Variants in CASK observed in about 807,000 individuals in gnomAD.
CASK encodes calcium/calmodulin dependent serine protein kinase, also known as peripheral plasma membrane protein CASK.
In CASK, 4 loss-of-function variants were observed where a neutral mutation model predicts 82.9. That is an observed-to-expected ratio of 0.05 (90% CI 0.02 to 0.11). CASK has a LOEUF of 0.11. CASK is among the 10% of genes least tolerant of loss of function. The pLI is 1.00. For missense variants in CASK, 358 were observed against 720.9 expected (o/e 0.50, Z 5.76); for synonymous variants, 259 against 253.5 (o/e 1.02, Z -0.20).
chrX:41,643,648 G>T (rs1427964106), intron 8 of CASK, among the ~76,000 whole-genome samples: 2 of 111,912 alleles, frequency 1.8e-5, no homozygotes, highest in African/African-American at 3.2e-5. Flanking sequence ...TGCTGAAGTT[G>T]CTTATCAGCT....
chrX:41,558,690 A>C (rs780485045), intron 18 of CASK: 1 of 111,492 alleles, frequency 9.0e-6, no homozygotes, highest in Non-Finnish European at 1.9e-5. Context: ...AGTTCCATAA[A>C]AAGCCACCAA....
Position 41,909,768 on chromosome X carries a change from C to T in CASK, c.59+13162G>A, listed in dbSNP as rs986632284. Among the ~76,000 whole-genome samples the T allele has an allele frequency of 1.6e-4, 18 of 111,560 alleles. No homozygotes were observed. The East Asian group carries it at 3.7e-3, about 23-fold the overall frequency. The stretch of plus-strand genomic sequence containing the variant: ...TACAGGCACACGCCACCATGGCCGG[C>T]TAATTTTATGACATTTTTAGTAGAG... On this transcript the variant is annotated intron_variant, in intron 1 of 26. Coordinates refer to ENST00000378163, the MANE Select transcript of CASK (RefSeq NM_001367721.1).
chrX:41,876,188 T>C (rs1414317815), intron 1 of CASK, among the ~76,000 whole-genome samples: 3 of 111,507 alleles, frequency 2.7e-5, no homozygotes, highest in Non-Finnish European at 3.8e-5. Context: ...ATTACAGCTA[T>C]TGAGTACTTA....
chrX:41,842,045 AT>A (rs1440542528), intron 2 of CASK, among the ~76,000 whole-genome samples: 1 of 111,670 alleles, frequency 9.0e-6, no homozygotes, highest in Non-Finnish European at 1.9e-5. Context: ...TAATTTTTGT[AT>A]ATGGTGTAGG....
At chrX:41,919,274 A>C (rs964994882) in intron 1 of CASK, 9 of 111,819 alleles carry the variant, frequency 8.0e-5, no homozygotes, top group Non-Finnish European at 9.4e-5. Context: ...CATGCCTCAC[A>C]AAGTTGCACG....
At chrX:41,831,904 C>T (rs1044707846) in intron 2 of CASK, among the ~76,000 whole-genome samples, 4 of 110,943 alleles carry the variant, frequency 3.6e-5, no homozygotes, top group East Asian at 5.6e-4. Context: ...TAGGTTGCAG[C>T]GAGCTGAGAT....
At chrX:41,748,323 T>A (rs2068728963) in intron 3 of CASK, 1 of 137,910 alleles carries the variant, frequency 7.3e-6, no homozygotes. Context: ...GTCCAGTTTC[T>A]AACTGTGATG....
intron 5 of CASK, chrX:41,683,514 G>A (rs1221654348): frequency 7.1e-5 from 8 of 112,043 alleles, no homozygotes; most frequent in Admixed American, 1.9e-4. Context: ...TTATCAAACC[G>A]GCTGGGAGTG....
intron 3 of CASK, among the ~76,000 whole-genome samples, chrX:41,773,962 T>TA (rs2069299690): frequency 9.0e-6 from 1 of 111,727 alleles, no homozygotes; most frequent in Non-Finnish European, 1.9e-5. Context: ...TAAATTTATA[T>TA]AAAAGTATTT....
intron 7 of CASK, among the ~76,000 whole-genome samples, chrX:41,663,978 G>A (rs2067075785): frequency 2.7e-5 from 3 of 111,836 alleles, no homozygotes; most frequent in African/African-American, 6.5e-5. Context: ...TCCCTGGATT[G>A]AAGAGGGATG....
intron 5 of CASK, chrX:41,730,218 G>A (rs1296387826): frequency 8.2e-6 from 1 of 122,173 alleles, no homozygotes; most frequent in Non-Finnish European, 1.9e-5. Context: ...TTTAAAGTAA[G>A]TTCACGTAAT....
At chrX:41,919,206 T>G in intron 1 of CASK, 1 of 112,180 alleles carries the variant, frequency 8.9e-6, no homozygotes, top group East Asian at 2.8e-4. Flanking sequence ...ACTAGAGAGA[T>G]CCATAAATAA....
intron 5 of CASK, chrX:41,675,900 C>T (rs2067257893): frequency 1.7e-6 from 2 of 1,205,657 alleles, no homozygotes; most frequent in Non-Finnish European, 2.2e-6. Context: ...TCAGCAATGG[C>T]TTCATCAAAA....
chrX:41,638,143 T>C (rs2066590731), intron 8 of CASK, among the ~76,000 whole-genome samples: 1 of 112,160 alleles, frequency 8.9e-6, no homozygotes, highest in African/African-American at 3.2e-5. Flanking sequence ...AGCCCTCATG[T>C]AGATCATATT....
intron 3 of CASK, among the ~76,000 whole-genome samples, chrX:41,772,837 T>C (rs1464693667): frequency 9.1e-6 from 1 of 110,201 alleles, no homozygotes; most frequent in East Asian, 2.9e-4. Context: ...CTGTCTCTAC[T>C]AAAAATACAA....
intron 2 of CASK, among the ~76,000 whole-genome samples, chrX:41,800,560 G>A (rs1248069682): frequency 9.2e-6 from 1 of 108,890 alleles, no homozygotes; most frequent in Non-Finnish European, 1.9e-5. Context: ...GTGCAGGTTA[G>A]TTACATATGT....
intron 5 of CASK, among the ~76,000 whole-genome samples, chrX:41,688,758 C>T (rs2067487697): frequency 9.1e-6 from 1 of 110,426 alleles, no homozygotes; most frequent in African/African-American, 3.3e-5. Context: ...GGAAAACATT[C>T]CACAATTGTC....
At chrX:41,533,270 T>C (rs1394605060) in intron 24 of CASK, among the ~76,000 whole-genome samples, 1 of 112,555 alleles carries the variant, frequency 8.9e-6, no homozygotes. Context: ...GGCCATTTAA[T>C]AACATGGAAG....
chrX:41,821,280 G>A (rs1329856160), intron 2 of CASK, among the ~76,000 whole-genome samples: 1 of 111,993 alleles, frequency 8.9e-6, no homozygotes, highest in Admixed American at 9.5e-5. Flanking sequence ...TGTAAGATCT[G>A]AAGATATACT....
Sources: gnomAD v4.1 joint callset for allele counts (sites outside exome capture counted in the v4.1 genomes callset) on GRCh38, gnomAD v4.1.1 for gene constraint, MANE v1.5 for transcripts, NCBI Gene and HGNC (gene_info 2026-07-23, HGNC 2026-07-21) for gene names.